The following LRP1B variants were observed in gnomAD, a reference collection of about 807,000 sequenced individuals.
The protein encoded by LRP1B is low-density lipoprotein receptor-related protein 1B.
A neutral mutation model predicts 556.6 loss-of-function variants in LRP1B; 217 were observed. That is an observed-to-expected ratio of 0.39 (90% CI 0.35 to 0.44). The LOEUF (loss-of-function observed/expected upper bound fraction) is 0.44, where lower values mean the gene tolerates loss of function less well. Ranked by LOEUF, LRP1B falls within the 20% of genes least tolerant of loss-of-function variation. LRP1B has a pLI of 1.00. For missense variants in LRP1B, 5,053 were observed against 5,620.8 expected, an observed-to-expected ratio of 0.90 and a Z score of 3.23; for synonymous variants, 2,047 against 1,865.8, an observed-to-expected ratio of 1.10 and a Z score of -2.50.
chr2:141,068,259 G>C (rs1304386816), intron 7 of LRP1B, among the ~76,000 whole-genome samples: 1 of 151,950 alleles, frequency 6.6e-6, no homozygotes, highest in Non-Finnish European at 1.5e-5. Flanking sequence ...ACATACAAGT[G>C]GGTTTAGGAG....
At chr2:140,862,229 CTAA>C (rs969244822) in intron 27 of LRP1B, among the ~76,000 whole-genome samples, 4 of 151,988 alleles carry the variant, frequency 2.6e-5, no homozygotes, top group African/African-American at 9.7e-5. Context: ...GGCCTAAAGG[CTAA>C]TACTGGCCGG....
rs567605878 is a variant in LRP1B, at chr2:141,456,012, A to T, written c.343+24384T>A. Among the ~76,000 whole-genome samples, 22 of 152,322 alleles carry T rather than the reference A, an allele frequency of 1.4e-4. No homozygotes were observed. The South Asian group carries it at 4.6e-3, about 32-fold the overall frequency. On this transcript the variant is annotated intron_variant, in intron 3 of 90. Coordinates refer to ENST00000389484, the MANE Select transcript of LRP1B (RefSeq NM_018557.3). Reference sequence around the variant, plus strand: ...TATCCATGGGCTTCTGGCTGAGTACAAACAGCAGGAAGCAGTGACTGGAAA... The same window carrying T: ...TATCCATGGGCTTCTGGCTGAGTACTAACAGCAGGAAGCAGTGACTGGAAA...
At chr2:142,124,290 A>C (rs1707562572) in intron 1 of LRP1B, among the ~76,000 whole-genome samples, 1 of 151,952 alleles carries the variant, frequency 6.6e-6, no homozygotes, top group Non-Finnish European at 1.5e-5. Context: ...ATTTGAAGTA[A>C]TAGGGAATAA....
At chr2:141,531,293 A>G (rs771929434) in intron 2 of LRP1B, among the ~76,000 whole-genome samples, 20 of 141,530 alleles carry the variant, frequency 1.4e-4, no homozygotes, top group Non-Finnish European at 2.7e-4. Flanking sequence ...ATTTCCTCAT[A>G]TAGTTCTGAC....
chr2:140,348,301 C>T (rs1264071741), intron 77 of LRP1B, among the ~76,000 whole-genome samples: 2 of 151,948 alleles, frequency 1.3e-5, no homozygotes, highest in African/African-American at 2.4e-5. Flanking sequence ...ATTTAGGAGG[C>T]AAAGTTAAAT....
chr2:140,468,447 G>A lies in LRP1B; in HGVS notation c.9625+6691C>T, dbSNP rs75937229. ...TAGGGCAATGCATAATGGAGCCATGGGGTTGGGCCACTGCAGTGTCCCTTA... is the reference window on the plus strand; with the variant it reads ...TAGGGCAATGCATAATGGAGCCATGAGGTTGGGCCACTGCAGTGTCCCTTA... On this transcript the variant is annotated intron_variant, in intron 60 of 90. Transcript: ENST00000389484. Among the ~76,000 whole-genome samples the A allele has an allele frequency of 4.4e-3, 667 of 151,926 alleles. 11 individuals carry two copies. In the East Asian group the frequency reaches 0.044, roughly 10 times the overall value.
chr2:141,199,949 A>G (rs1681928970), intron 6 of LRP1B, among the ~76,000 whole-genome samples: 6 of 152,210 alleles, frequency 3.9e-5, no homozygotes, highest in Admixed American at 3.9e-4. Flanking sequence ...CTTCAGATAA[A>G]AAAGGAACAC....
intron 20 of LRP1B, among the ~76,000 whole-genome samples, chr2:140,941,138 A>C (rs911162139): frequency 6.6e-6 from 1 of 152,182 alleles, no homozygotes; most frequent in African/African-American, 2.4e-5. Context: ...AGAGAAAAAA[A>C]GCGGGTATAA....
intron 1 of LRP1B, among the ~76,000 whole-genome samples, chr2:141,915,886 C>T (rs960791243): frequency 1.3e-5 from 2 of 152,186 alleles, no homozygotes; most frequent in Admixed American, 1.3e-4. Context: ...GAGATATCAT[C>T]TCACACCAAT....
intron 41 of LRP1B, among the ~76,000 whole-genome samples, chr2:140,677,769 G>A (rs946081700): frequency 6.6e-6 from 1 of 151,876 alleles, no homozygotes; most frequent in African/African-American, 2.4e-5. Context: ...CCAGCTACTC[G>A]GGAGGCTGAG....
intron 15 of LRP1B, 105 bp from the exon 16 acceptor site, chr2:140,994,240 A>G: frequency 6.6e-6 from 6 of 904,386 alleles, no homozygotes; most frequent in Non-Finnish European, 1.0e-5. Context: ...TCTACATATC[A>G]GTGGGATGAG....
chr2:140,900,131 G>A (rs1694062810), intron 23 of LRP1B, among the ~76,000 whole-genome samples: 1 of 152,194 alleles, frequency 6.6e-6, no homozygotes, highest in Non-Finnish European at 1.5e-5. Context: ...TGAGCTGAGA[G>A]CAGAGGAGTC....
At chr2:140,283,280 AT>A (rs1682992524) in intron 84 of LRP1B, among the ~76,000 whole-genome samples, 1 of 151,786 alleles carries the variant, frequency 6.6e-6, no homozygotes, top group Admixed American at 6.6e-5. Context: ...ACAGCCTAAG[AT>A]TTTTAATAAT....
chr2:140,550,726 A>G (rs1680517617), intron 43 of LRP1B, among the ~76,000 whole-genome samples: 1 of 152,248 alleles, frequency 6.6e-6, no homozygotes, highest in Admixed American at 6.5e-5. Flanking sequence ...CAGATTAAAT[A>G]TAGTATTTCT....
chr2:141,979,962 A>G (rs1240879779), intron 1 of LRP1B, among the ~76,000 whole-genome samples: 3 of 152,138 alleles, frequency 2.0e-5, no homozygotes, highest in African/African-American at 7.2e-5. Flanking sequence ...GTTCTCACTC[A>G]TTAATATGTT....
chr2:142,100,268 G>A (rs966345054), intron 1 of LRP1B, among the ~76,000 whole-genome samples: 2 of 151,940 alleles, frequency 1.3e-5, no homozygotes, highest in Middle Eastern at 3.4e-3. Context: ...AAGGCATCAC[G>A]CTGCAATGCT....
intron 1 of LRP1B, among the ~76,000 whole-genome samples, chr2:141,948,975 C>T (rs12328135): frequency 0.019 from 2,820 of 152,142 alleles, 45 homozygotes; most frequent in Middle Eastern, 0.059. Context: ...TATACACAGA[C>T]ATTTAATTAT....
At chr2:140,613,107 A>T (rs1683125220) in intron 41 of LRP1B, among the ~76,000 whole-genome samples, 1 of 150,358 alleles carries the variant, frequency 6.7e-6, no homozygotes, top group Non-Finnish European at 1.5e-5. Flanking sequence ...GACTATTGTC[A>T]GGTATTGGCT....
chr2:141,065,957 C>T (rs1263587484), intron 7 of LRP1B, among the ~76,000 whole-genome samples: 1 of 151,832 alleles, frequency 6.6e-6, no homozygotes, highest in Admixed American at 6.6e-5. Flanking sequence ...AATACTAATA[C>T]TTTTTAAAAA....
Sources: allele counts gnomAD v4.1 joint callset (sites outside exome capture counted in the v4.1 genomes callset), GRCh38; gene constraint gnomAD v4.1.1; transcripts MANE v1.5; gene names NCBI Gene and HGNC (gene_info 2026-07-23, HGNC 2026-07-21).